The following MDFIC variants were observed in gnomAD, a reference collection of about 807,000 sequenced individuals.
MDFIC encodes the protein myoD family inhibitor domain-containing protein.
In MDFIC, 17 loss-of-function variants were observed where a neutral mutation model predicts 23.2. The ratio of observed to expected loss-of-function variants is 0.73; its 90% CI spans 0.50 to 1.10. The LOEUF (loss-of-function observed/expected upper bound fraction) is 1.10. Ranked by LOEUF, MDFIC falls within the 50% of genes least tolerant of loss-of-function variation. MDFIC has a pLI of 0.00. For synonymous variants in MDFIC, 120 were observed against 115.2 expected, an observed-to-expected ratio of 1.04 and a Z score of -0.27; for missense variants, 356 against 316.6, an observed-to-expected ratio of 1.12 and a Z score of -0.95.
At chr7:114,958,273 A>C (rs1792920621) in intron 3 of MDFIC, among the ~76,000 whole-genome samples, 1 of 152,226 alleles carries the variant, frequency 6.6e-6, no homozygotes, top group Non-Finnish European at 1.5e-5. Flanking sequence ...GTGGAAACTA[A>C]TTAGGATACC....
intron 4 of MDFIC, among the ~76,000 whole-genome samples, chr7:114,994,193 A>G (rs1468010132): frequency 2.0e-5 from 3 of 151,398 alleles, no homozygotes; most frequent in African/African-American, 7.3e-5. Flanking sequence ...TTTGTTTTCT[A>G]TTTGCTTGGT....
intron 3 of MDFIC, among the ~76,000 whole-genome samples, chr7:114,965,377 A>C (rs1327867497): frequency 6.6e-6 from 1 of 152,202 alleles, no homozygotes; most frequent in Non-Finnish European, 1.5e-5. Flanking sequence ...ACATTAATGT[A>C]AACACATTTT....
intron 3 of MDFIC, among the ~76,000 whole-genome samples, chr7:114,949,917 A>G (rs887384248): frequency 6.6e-6 from 1 of 152,194 alleles, no homozygotes; most frequent in Non-Finnish European, 1.5e-5. Flanking sequence ...CCCAAAGCAC[A>G]GCACACCTAC....
At chr7:114,958,159 A>G (rs1016881562) in intron 3 of MDFIC, among the ~76,000 whole-genome samples, 2 of 152,194 alleles carry the variant, frequency 1.3e-5, no homozygotes, top group African/African-American at 4.8e-5. Flanking sequence ...GGAAGGAACT[A>G]TTTAGCTACC....
chr7:114,986,032 G>GTTTTTTT (rs11314179), intron 4 of MDFIC, among the ~76,000 whole-genome samples: 2 of 138,400 alleles, frequency 1.4e-5, no homozygotes, highest in Non-Finnish European at 3.1e-5. Flanking sequence ...TACCTTTGCA[G>GTTTTTTT]TTTTTTTTTT....
At chr7:114,982,449 A>T (rs1023682520) in intron 4 of MDFIC, among the ~76,000 whole-genome samples, 4 of 151,980 alleles carry the variant, frequency 2.6e-5, no homozygotes, top group African/African-American at 9.7e-5. Context: ...CAGCAGTTTG[A>T]GAGGGCCACT....
chr7:114,993,688 G>A (rs1163842500), intron 4 of MDFIC, among the ~76,000 whole-genome samples: 1 of 152,118 alleles, frequency 6.6e-6, no homozygotes, highest in Non-Finnish European at 1.5e-5. Context: ...CTGAGTTCTA[G>A]TTTGATTGCG....
At chr7:114,945,218 T>C (rs1792621336) in intron 3 of MDFIC, among the ~76,000 whole-genome samples, 1 of 152,228 alleles carries the variant, frequency 6.6e-6, no homozygotes, top group Non-Finnish European at 1.5e-5. Context: ...TATAGGGGAC[T>C]GTTAGCTGTC....
intron 2 of MDFIC, among the ~76,000 whole-genome samples, chr7:114,941,822 T>C (rs548841404): frequency 2.0e-5 from 3 of 152,270 alleles, no homozygotes; most frequent in Non-Finnish European, 4.4e-5. Flanking sequence ...GCTGTACTTG[T>C]TTTCTATACC....
At position 114,923,067 on chromosome 7, in the gene MDFIC, C is replaced by A. The variant is rs1478037175; in HGVS notation, c.34C>A (p.Pro12Thr). 4.3e-6 allele frequency: 6 copies of A among 1,400,410 alleles called. No homozygotes were observed. The highest frequency in any genetic ancestry group is 5.6e-6 in the Non-Finnish European group (6 of 1,078,670). The allele number at this position is 1,400,410 out of a possible 1,614,324, so 86.7% of individuals were successfully genotyped here. A position where few individuals can be genotyped will look rare whatever the true frequency, so the allele number is the denominator to read the frequency against. The change falls in exon 2 of 5, where the codon CCC (proline) becomes ACC (threonine). Residue 12 changes from proline to threonine, a missense_variant. By Grantham distance (38) the Pro-to-Thr change is conservative. Coordinates refer to ENST00000393486, the MANE Select transcript of MDFIC (RefSeq NM_001166345.3). ...SGAGEALAPG[P>T]VGPQRVAEAG... ...CGCGGGCGAAGCCCTCGCTCCCGGG[C>A]CCGTGGGGCCGCAGCGCGTGGCCGA... is the stretch of plus-strand genomic sequence containing the variant.
chr7:114,923,322 G>A (rs1792128884), intron 2 of MDFIC, 195 bp downstream of exon 2: 1 of 1,151,944 alleles, frequency 8.7e-7, no homozygotes, highest in Non-Finnish European at 1.2e-6. Flanking sequence ...CGGGTAAGAG[G>A]GCGGGAACCG....
chr7:114,939,671 G>A (rs925063481), intron 2 of MDFIC, among the ~76,000 whole-genome samples: 2 of 152,146 alleles, frequency 1.3e-5, no homozygotes, highest in East Asian at 3.8e-4. Context: ...AGTTGAGAGG[G>A]TCTGTGTTTA....
At chr7:114,992,814 T>C (rs1791206252) in intron 4 of MDFIC, among the ~76,000 whole-genome samples, 1 of 152,208 alleles carries the variant, frequency 6.6e-6, no homozygotes. Context: ...AATTCTCTTT[T>C]TTCGTTGTAT....
intron 2 of MDFIC, among the ~76,000 whole-genome samples, chr7:114,930,904 A>C (rs1792295772): frequency 6.6e-6 from 1 of 152,238 alleles, no homozygotes; most frequent in African/African-American, 2.4e-5. Flanking sequence ...AAGAGAATAC[A>C]TTCTGTACTG....
chr7:115,015,683 T>C lies in MDFIC; in HGVS notation c.494-5T>C. The C allele has an allele frequency of 6.2e-7, 1 of 1,613,210 alleles. No individual in the cohort carries two copies. The highest frequency in any genetic ancestry group is 8.5e-7 in the Non-Finnish European group (1 of 1,179,274). ...TATATGGTCTCCTCATCACTGAAAA[T>C]GAAGATTGTTGTGTCCACTGTATCC... is the stretch of plus-strand genomic sequence containing the variant. On this transcript the variant is annotated splice_polypyrimidine_tract_variant and splice_region_variant and intron_variant, in intron 4 of 4. Coordinates refer to ENST00000393486, the MANE Select transcript of MDFIC (RefSeq NM_001166345.3).
chr7:114,976,356 G>A (rs1188101206), intron 3 of MDFIC, among the ~76,000 whole-genome samples: 1 of 152,136 alleles, frequency 6.6e-6, no homozygotes, highest in East Asian at 1.9e-4. Flanking sequence ...AACCAAATTA[G>A]GTTTAACTGT....
rs368687605 is a variant in MDFIC at position 114,953,677 on chromosome 7, G to A, written c.217+11280G>A. 3.2e-3 allele frequency among the ~76,000 whole-genome samples: 489 copies of A among 152,126 alleles called. 4 individuals carry two copies. Among genetic ancestry groups the A allele is most frequent in the African/African-American group, 0.011 (462 of 41,490 alleles). On this transcript the variant is annotated intron_variant, in intron 3 of 4. Coordinates refer to ENST00000393486, the MANE Select transcript of MDFIC (RefSeq NM_001166345.3). ...TGATCTCTACTACAGTTGTCCCTTC[G>A]GTATCCATGAAGGTTTGGTTCCAGG... is the stretch of plus-strand genomic sequence containing the variant.
intron 2 of MDFIC, among the ~76,000 whole-genome samples, chr7:114,930,093 G>A (rs761773513): frequency 6.6e-6 from 1 of 152,160 alleles, no homozygotes; most frequent in Non-Finnish European, 1.5e-5. Flanking sequence ...TTTGGAAGAG[G>A]GAAGAATTAA....
chr7:114,940,660 G>A (rs1792520198), intron 2 of MDFIC, among the ~76,000 whole-genome samples: 4 of 152,156 alleles, frequency 2.6e-5, no homozygotes. Flanking sequence ...AAATTCAAAT[G>A]TCCAATACTT....
Sources: gnomAD v4.1 joint callset for allele counts (sites outside exome capture counted in the v4.1 genomes callset) on GRCh38, gnomAD v4.1.1 for gene constraint, MANE v1.5 for transcripts, NCBI Gene and HGNC (gene_info 2026-07-23, HGNC 2026-07-21) for gene names.